The following RAP1GAP2 variants were observed in gnomAD, a reference collection of about 807,000 sequenced individuals.
RAP1GAP2 encodes the protein RAP1 GTPase activating protein 2, also known as rap1 GTPase-activating protein 2.
A neutral mutation model predicts 95.0 loss-of-function variants in RAP1GAP2; 27 were observed. That is an observed-to-expected ratio of 0.28 (90% CI 0.21 to 0.39). RAP1GAP2 has a LOEUF of 0.39. RAP1GAP2 is among the 10% of genes least tolerant of loss of function. RAP1GAP2 has a pLI of 1.00. For synonymous variants in RAP1GAP2, 373 were observed against 380.9 expected (o/e 0.98, Z 0.24); for missense variants, 771 against 970.0 (o/e 0.79, Z 2.72).
chr17:2,862,731 C>T (rs1293742519), intron 2 of RAP1GAP2, among the ~76,000 whole-genome samples: 1 of 152,152 alleles, frequency 6.6e-6, no homozygotes, highest in Non-Finnish European at 1.5e-5. Context: ...TGCACAGTGG[C>T]TCACGCCTGT....
At chr17:2,953,340 C>T (rs952254300) in intron 3 of RAP1GAP2, among the ~76,000 whole-genome samples, 4 of 151,988 alleles carry the variant, frequency 2.6e-5, no homozygotes, top group African/African-American at 4.8e-5. Context: ...GCTAGGATTA[C>T]AGGTGTGAAC....
intron 3 of RAP1GAP2, among the ~76,000 whole-genome samples, chr17:2,922,108 G>T (rs1253011452): frequency 1.3e-5 from 2 of 152,210 alleles, no homozygotes; most frequent in Non-Finnish European, 2.9e-5. Context: ...CCATTCTGGA[G>T]GCTGGGAAAT....
chr17:2,897,465 C>T (rs1419325476), intron 2 of RAP1GAP2, among the ~76,000 whole-genome samples: 1 of 151,866 alleles, frequency 6.6e-6, no homozygotes, highest in Non-Finnish European at 1.5e-5. Context: ...GGCTGGAATG[C>T]AGTGGCACGA....
At chr17:2,780,152 G>A (rs2068609492) in intron 1 of RAP1GAP2, among the ~76,000 whole-genome samples, 1 of 152,242 alleles carries the variant, frequency 6.6e-6, no homozygotes, top group South Asian at 2.1e-4. Context: ...CTGGGTTCAA[G>A]TGATTCTCCT....
chr17:3,013,048 G>A (rs896025559), intron 17 of RAP1GAP2, among the ~76,000 whole-genome samples: 1 of 152,318 alleles, frequency 6.6e-6, no homozygotes, highest in African/African-American at 2.4e-5. Context: ...GAAGGCTGCC[G>A]GGCTGGCTGT....
intron 2 of RAP1GAP2, among the ~76,000 whole-genome samples, chr17:2,891,416 C>T (rs1016221700): frequency 1.3e-5 from 2 of 152,116 alleles, no homozygotes; most frequent in Non-Finnish European, 2.9e-5. Context: ...ACTGTAATTA[C>T]AGGTGAGAGC....
In RAP1GAP2 at chr17:2,956,420, C is replaced by T. The variant is rs376316526; in HGVS notation, c.166-1339C>T. 2.2e-4 allele frequency among the ~76,000 whole-genome samples: 34 copies of T among 152,274 alleles called. No homozygotes were observed. The East Asian group carries it at 3.3e-3, about 15-fold the overall frequency. On this transcript the variant is annotated intron_variant, in intron 3 of 24. Transcript: ENST00000254695. ...GACTTCACCAGGCTCCTTCCCAGGGCGGGTCTGGGAATTCTGGGAGCAGTG... is the reference window on the plus strand; with the variant it reads ...GACTTCACCAGGCTCCTTCCCAGGGTGGGTCTGGGAATTCTGGGAGCAGTG...
chr17:2,771,486 G>GTTT lies in RAP1GAP2; in HGVS notation c.167+1051_167+1053dup, dbSNP rs566884358. Among the ~76,000 whole-genome samples, 210 of 123,442 alleles carry GTTT rather than the reference G, an allele frequency of 1.7e-3. 9 individuals carry two copies. Among genetic ancestry groups the GTTT allele is most frequent in the South Asian group, 3.6e-3 (14 of 3,858 alleles). 81.0% of individuals were successfully genotyped at this position (123,442 alleles called of 152,430 possible). On this transcript the variant is annotated intron_variant, in intron 2 of 25. Coordinates refer to the RAP1GAP2 transcript ENST00000637138. ...CTTTCCCCATCAAAGCCACTTTTTT[G>GTTT]TTTTTTTTTTTTGTTTTTTTTTTTT...
chr17:2,784,855 A>T (rs1000723730), intron 1 of RAP1GAP2, among the ~76,000 whole-genome samples: 4 of 152,222 alleles, frequency 2.6e-5, no homozygotes, highest in Non-Finnish European at 5.9e-5. Context: ...GGTGGGGCTC[A>T]GGCAGAATTG....
chr17:2,993,670 T>C (rs905783805), intron 12 of RAP1GAP2, among the ~76,000 whole-genome samples: 7 of 152,198 alleles, frequency 4.6e-5, no homozygotes, highest in Non-Finnish European at 7.3e-5. Context: ...ACGATTGTTA[T>C]TGTTCTTATA....
chr17:3,037,566 A>AT lies in RAP1GAP2; in HGVS notation c.*4207dup, dbSNP rs2047507907. 6.6e-6 allele frequency: 1 copy of AT among 152,312 alleles called. No individual in the cohort carries two copies. Among genetic ancestry groups the AT allele is most frequent in the Non-Finnish European group, 1.5e-5 (1 of 67,974 alleles). The allele number at this position is 152,312 out of a possible 1,614,324, so 9.4% of individuals were successfully genotyped here. On this transcript the variant is annotated 3_prime_UTR_variant, in exon 25 of 25. Coordinates refer to ENST00000254695, the MANE Select transcript of RAP1GAP2 (RefSeq NM_015085.5). ...TTTCTTTCCTCTTAGTGAGGAGGTG[A>AT]TTCGTAGATCCCAACTGCCTATGTA... is the stretch of plus-strand genomic sequence containing the variant.
At chr17:2,821,532 G>A (rs1327850339) in intron 2 of RAP1GAP2, among the ~76,000 whole-genome samples, 2 of 151,724 alleles carry the variant, frequency 1.3e-5, no homozygotes, top group Non-Finnish European at 2.9e-5. Flanking sequence ...CTGCCACCAT[G>A]CCTGGCTAAT....
chr17:3,028,670 C>T (rs1263877196), intron 22 of RAP1GAP2, among the ~76,000 whole-genome samples: 3 of 152,292 alleles, frequency 2.0e-5, no homozygotes, highest in South Asian at 2.1e-4. Context: ...GAAGAGTTCA[C>T]GTGCCTCCTC....
rs1310795451 is a variant in RAP1GAP2, at chr17:3,003,059, G to C, written c.1201-2310G>C. ...TGCCAGGCACGGTGCTGGGTCCTTA[G>C]ACGCACAGTCTTGAATCCTGACAAG... On this transcript the variant is annotated intron_variant, in intron 14 of 24. Coordinates refer to ENST00000254695, the MANE Select transcript of RAP1GAP2 (RefSeq NM_015085.5). The surrounding 1 kb of genome is among the most constrained non-coding windows in gnomAD (Gnocchi z 4.1). Among the ~76,000 whole-genome samples the C allele has an allele frequency of 6.6e-6, 1 of 152,158 alleles. No homozygotes were observed. Among genetic ancestry groups the C allele is most frequent in the African/African-American group, 2.4e-5 (1 of 41,442 alleles).
chr17:2,878,277 G>A (rs1312149271), intron 2 of RAP1GAP2, among the ~76,000 whole-genome samples: 1 of 152,102 alleles, frequency 6.6e-6, no homozygotes, highest in East Asian at 1.9e-4. Context: ...TGGGGGAAAC[G>A]ATGAGGTCAT....
At chr17:2,792,178 C>T (rs1454925146), upstream of RAP1GAP2, among the ~76,000 whole-genome samples, 1 of 152,184 alleles carries the variant, frequency 6.6e-6, no homozygotes, top group East Asian at 1.9e-4. Flanking sequence ...TGTCTCTTGA[C>T]TCACAATCCT....
chr17:2,826,388 G>A (rs959916231), intron 2 of RAP1GAP2, among the ~76,000 whole-genome samples: 2 of 151,750 alleles, frequency 1.3e-5, no homozygotes, highest in African/African-American at 4.8e-5. Flanking sequence ...GGTGAGCCAG[G>A]CTCTCGAAAT....
At position 2,784,501 on chromosome 17, in the gene RAP1GAP2, C is replaced by T. The variant is rs568675924; in HGVS notation, c.-14+7223C>T. Among the ~76,000 whole-genome samples, 8 of 148,846 alleles carry T rather than the reference C, an allele frequency of 5.4e-5. No individual in the cohort carries two copies. In the East Asian group the frequency reaches 1.2e-3, roughly 23 times the overall value. On this transcript the variant is annotated intron_variant, in intron 1 of 24. Transcript: ENST00000540393. ...AGCCAGGCTGGTCTTGAACTCCTGA[C>T]CTCAAGTGATCCGCCCGACTCGGCA... is the stretch of plus-strand genomic sequence containing the variant.
At chr17:2,953,281 C>T (rs1372992351) in intron 3 of RAP1GAP2, among the ~76,000 whole-genome samples, 1 of 151,816 alleles carries the variant, frequency 6.6e-6, no homozygotes, top group Non-Finnish European at 1.5e-5. Context: ...TCACTGCAGC[C>T]TTGAACTCCT....
Sources: gnomAD v4.1 joint callset for allele counts (sites outside exome capture counted in the v4.1 genomes callset) on GRCh38, gnomAD v4.1.1 for gene constraint, Gnocchi (gnomAD v3.1) non-coding constraint, MANE v1.5 for transcripts, NCBI Gene and HGNC (gene_info 2026-07-23, HGNC 2026-07-21) for gene names.